The following GGA2 variants were observed in gnomAD, a reference collection of about 807,000 sequenced individuals.
GGA2 encodes the protein golgi associated, gamma adaptin ear containing, ARF binding protein 2.
GGA2 carries 48 observed loss-of-function variants against 79.5 expected under a neutral mutation model. That is an observed-to-expected ratio of 0.60 (90% CI 0.48 to 0.77). The LOEUF (loss-of-function observed/expected upper bound fraction) is 0.77. Ranked by LOEUF, GGA2 falls within the 30% of genes least tolerant of loss-of-function variation. The probability of loss-of-function intolerance (pLI) is 0.00; values close to 1 mark genes in which losing one functional copy is unlikely to be tolerated. For missense variants in GGA2, 770 were observed against 774.0 expected (o/e 0.99, Z 0.06); for synonymous variants, 317 against 302.0 (o/e 1.05, Z -0.51).
chr16:23,508,720 G>GT (rs1285435330), intron 1 of GGA2, among the ~76,000 whole-genome samples: 1 of 152,054 alleles, frequency 6.6e-6, no homozygotes, highest in East Asian at 1.9e-4. Context: ...CACTGCCAAT[G>GT]AACCAGACTC....
chr16:23,491,872 T>A, intron 4 of GGA2, 72 bp from the exon 5 acceptor site: 1 of 1,080,752 alleles, frequency 9.3e-7, no homozygotes, highest in Non-Finnish European at 1.4e-6. Flanking sequence ...ACTAAAGAGG[T>A]AGCTGCTGAG....
intron 8 of GGA2, among the ~76,000 whole-genome samples, chr16:23,483,986 A>T (rs1049936246): frequency 8.7e-5 from 13 of 149,600 alleles, no homozygotes; most frequent in Admixed American, 5.3e-4. Context: ...AAGCACCAGG[A>T]AGACATTAAA....
chr16:23,477,604 G>A (rs1474997240), intron 13 of GGA2, among the ~76,000 whole-genome samples: 5 of 151,972 alleles, frequency 3.3e-5, no homozygotes, highest in Admixed American at 6.6e-5. Flanking sequence ...AAAATTAACC[G>A]GGTGTGGTGG....
intron 4 of GGA2, among the ~76,000 whole-genome samples, chr16:23,492,336 C>A (rs1467227370): frequency 1.3e-5 from 2 of 152,190 alleles, no homozygotes; most frequent in African/African-American, 2.4e-5. Flanking sequence ...CACATCCCCC[C>A]ACCTGTGGAG....
At chr16:23,491,262 G>A (rs1053293868) in intron 5 of GGA2, among the ~76,000 whole-genome samples, 2 of 134,304 alleles carry the variant, frequency 1.5e-5, no homozygotes, top group Admixed American at 8.8e-5. Context: ...AGCCATGACT[G>A]CACCACTGTG....
At chr16:23,480,488 G>T in intron 10 of GGA2, 157 bp downstream of exon 10, 1 of 616,666 alleles carries the variant, frequency 1.6e-6, no homozygotes, top group Non-Finnish European at 2.7e-6. Context: ...TCCTATGGCT[G>T]GGTGTGGCAA....
intron 2 of GGA2, among the ~76,000 whole-genome samples, chr16:23,518,028 T>C (rs991187605): frequency 1.3e-5 from 2 of 152,136 alleles, no homozygotes; most frequent in African/African-American, 4.8e-5. Context: ...TTCTCCTGCC[T>C]CAGCCTCCTA....
In GGA2 at chr16:23,467,315, A is replaced by G. The variant is rs494279; in HGVS notation, c.*275T>C. ...CAGAAACATGACTGTAGCAGAGATG[A>G]TGATGATGAGAAATGCTTCGCATTT... On this transcript the variant is annotated 3_prime_UTR_variant, in exon 17 of 17. Transcript: ENST00000309859. 5.9e-3 allele frequency: 2,304 copies of G among 392,770 alleles called. 15 individuals are homozygous for G. The highest frequency in any genetic ancestry group is 8.9e-3 in the Non-Finnish European group (1,919 of 214,782). The allele number at this position is 392,770 out of a possible 1,614,324, so 24.3% of individuals were successfully genotyped here. A position where few individuals can be genotyped will look rare whatever the true frequency, so the allele number is the denominator to read the frequency against.
At chr16:23,494,973 T>C (rs1567367121) in intron 2 of GGA2, among the ~76,000 whole-genome samples, 1 of 151,744 alleles carries the variant, frequency 6.6e-6, no homozygotes, top group Non-Finnish European at 1.5e-5. Flanking sequence ...TAATCCCAGC[T>C]ACTTGGGAGG....
At chr16:23,505,213 T>A (rs1394198784) in intron 1 of GGA2, among the ~76,000 whole-genome samples, 1 of 152,120 alleles carries the variant, frequency 6.6e-6, no homozygotes, top group Non-Finnish European at 1.5e-5. Flanking sequence ...GTCCTACTCA[T>A]CACCTGGGAG....
At chr16:23,504,740 T>C (rs963387982) in intron 1 of GGA2, among the ~76,000 whole-genome samples, 2 of 152,222 alleles carry the variant, frequency 1.3e-5, no homozygotes, top group Admixed American at 6.5e-5. Context: ...TTCTCTGTTT[T>C]GGGCTATCCC....
At position 23,480,718 on chromosome 16, in the gene GGA2, T is replaced by C. The variant is rs969867288; in HGVS notation, c.933A>G (p.Lys311=). The C allele has an allele frequency of 6.8e-6, 11 of 1,613,356 alleles. No individual in the cohort carries two copies. In the African/African-American group the frequency reaches 1.5e-4, roughly 22 times the overall value. Residue 311 remains lysine, a synonymous_variant, in exon 10 of 17, where the codon AAA becomes AAG. Coordinates refer to ENST00000309859, the MANE Select transcript of GGA2 (RefSeq NM_015044.4). ...DLLTQGVLLY[K]QVMEGRVTFG... is the part of the protein sequence containing the mutation. ...AGGTGACCCGGCCCTCCATCACCTG[T>C]TTGTACAGCAGAACTCCTTGGGTGA...
At chr16:23,478,730 G>GT (rs746618152) in intron 12 of GGA2, 153 bp downstream of exon 12, 1 of 745,278 alleles carries the variant, frequency 1.3e-6, no homozygotes, top group South Asian at 1.4e-5. Flanking sequence ...CAGCCAGACA[G>GT]TATGGGTGAG....
In GGA2 at chr16:23,464,973, AG is replaced by A. The variant is rs915638435; in HGVS notation, c.*2616del. 2.4e-5 allele frequency: 6 copies of A among 252,946 alleles called. No individual in the cohort carries two copies. The Admixed American group carries it at 3.0e-4, about 13-fold the overall frequency. The allele number at this position is 252,946 out of a possible 1,614,324, so 15.7% of individuals were successfully genotyped here. ...ATCACACTTAAGAGACAGAGGAAAA[AG>A]AGCAGTCACGGAGGTAGGTCACGAA... On this transcript the variant is annotated 3_prime_UTR_variant, in exon 17 of 17. Coordinates refer to ENST00000309859, the MANE Select transcript of GGA2 (RefSeq NM_015044.4).
At chr16:23,492,225 C>G (rs142094545) in intron 4 of GGA2, among the ~76,000 whole-genome samples, 5 of 152,314 alleles carry the variant, frequency 3.3e-5, no homozygotes, top group African/African-American at 1.2e-4. Flanking sequence ...TAATGACTTA[C>G]AGTGAGTGCC....
intron 1 of GGA2, among the ~76,000 whole-genome samples, chr16:23,505,960 T>C (rs576552455): frequency 6.6e-5 from 10 of 152,302 alleles, no homozygotes; most frequent in South Asian, 2.1e-4. Context: ...GGGTATGAGT[T>C]AGTTTCAATT....
At chr16:23,471,387 AGACT>A (rs1324074731) in intron 14 of GGA2, among the ~76,000 whole-genome samples, 1 of 152,176 alleles carries the variant, frequency 6.6e-6, no homozygotes, top group African/African-American at 2.4e-5. Flanking sequence ...AAACTATGTA[AGACT>A]GACCAATAAA....
chr16:23,483,029 GACAC>G, intron 8 of GGA2, 25 bp from the exon 9 acceptor site: 7 of 1,521,256 alleles, frequency 4.6e-6, no homozygotes, highest in Non-Finnish European at 6.4e-6. Context: ...CTTGGTTCAT[GACAC>G]ACGCCCAGGC....
In GGA2 at chr16:23,510,448, G is replaced by C; in HGVS notation, c.-37C>G. On this transcript the variant is annotated 5_prime_UTR_variant, in exon 1 of 17. Transcript: ENST00000309859. ...CGACGCTGCGGCCGCGGGCGCCACT[G>C]CCTCTTCAGCCGCTGTAGCGTCCTG... The C allele has an allele frequency of 1.2e-6, 1 of 803,786 alleles. No individual in the cohort carries two copies. Among genetic ancestry groups the C allele is most frequent in the Non-Finnish European group, 1.7e-6 (1 of 581,214 alleles). 49.8% of individuals were successfully genotyped at this position (803,786 alleles called of 1,614,324 possible). A position where few individuals can be genotyped will look rare whatever the true frequency, so the allele number is the denominator to read the frequency against.
Sources: gnomAD v4.1 joint callset for allele counts (sites outside exome capture counted in the v4.1 genomes callset) on GRCh38, gnomAD v4.1.1 for gene constraint, MANE v1.5 for transcripts, NCBI Gene and HGNC (gene_info 2026-07-23, HGNC 2026-07-21) for gene names.